Variants in USP12 observed in about 807,000 individuals in gnomAD.
USP12 encodes ubiquitin carboxyl-terminal hydrolase 12.
A neutral mutation model predicts 45.5 loss-of-function variants in USP12; 19 were observed. That is an observed-to-expected ratio of 0.42 (90% CI 0.29 to 0.61). The LOEUF (loss-of-function observed/expected upper bound fraction) is 0.61, where lower values mean the gene tolerates loss of function less well. USP12 is among the 20% of genes least tolerant of loss of function. The probability of loss-of-function intolerance (pLI) is 0.22; values close to 1 mark genes in which losing one functional copy is unlikely to be tolerated. For synonymous variants in USP12, 149 were observed against 148.8 expected (o/e 1.00, Z -0.01); for missense variants, 242 against 447.7 (o/e 0.54, Z 4.15).
intron 1 of USP12, among the ~76,000 whole-genome samples, chr13:27,125,808 C>T (rs1050058440): frequency 1.3e-5 from 2 of 152,262 alleles, no homozygotes; most frequent in African/African-American, 2.4e-5. Context: ...GACTCCCTCC[C>T]GTGCCTGGCT....
intron 1 of USP12, among the ~76,000 whole-genome samples, chr13:27,139,928 T>TA (rs1876982074): frequency 6.6e-6 from 1 of 152,230 alleles, no homozygotes. Context: ...CAAGTGATAG[T>TA]AAAAAAGATG....
intron 1 of USP12, among the ~76,000 whole-genome samples, chr13:27,132,124 C>T (rs1053701788): frequency 6.6e-6 from 1 of 152,192 alleles, no homozygotes; most frequent in African/African-American, 2.4e-5. Flanking sequence ...TTCCTGCTAT[C>T]CCTCATTTCC....
intron 4 of USP12, 122 bp from the exon 5 acceptor site, chr13:27,090,280 C>CA (rs1874251427): frequency 2.8e-6 from 2 of 711,648 alleles, no homozygotes; most frequent in Non-Finnish European, 4.5e-6. Flanking sequence ...CCCTCAAGTT[C>CA]AAAAGAGAAC....
rs181136795 is a variant in USP12 at position 27,097,294 on chromosome 13, C to T, written c.344-1464G>A. Among the ~76,000 whole-genome samples, 602 of 152,160 alleles carry T rather than the reference C, an allele frequency of 4.0e-3. 1 individual carries two copies. The highest frequency in any genetic ancestry group is 6.4e-3 in the Non-Finnish European group (432 of 68,014). ...CAGCCTGGCCAACATGGTGAAAGTC[C>T]GTCTCTACTAAATACAAAAAATTCA... On this transcript the variant is annotated intron_variant, in intron 3 of 8. Coordinates refer to ENST00000282344, the MANE Select transcript of USP12 (RefSeq NM_182488.4).
At chr13:27,156,091 C>T (rs952382355) in intron 1 of USP12, among the ~76,000 whole-genome samples, 26 of 152,196 alleles carry the variant, frequency 1.7e-4, no homozygotes, top group Admixed American at 3.9e-4. Flanking sequence ...GCCAGCAGCT[C>T]CGTAACAGAA....
At chr13:27,087,166 C>G (rs1237212515) in intron 6 of USP12, among the ~76,000 whole-genome samples, 2 of 150,480 alleles carry the variant, frequency 1.3e-5, no homozygotes, top group Admixed American at 6.6e-5. Flanking sequence ...TGTGTGCATA[C>G]AGGGAGCGGG....
At chr13:27,085,369 C>G (rs1016277123) in intron 6 of USP12, among the ~76,000 whole-genome samples, 1 of 151,926 alleles carries the variant, frequency 6.6e-6, no homozygotes, top group African/African-American at 2.4e-5. Flanking sequence ...TCAGTAGAGA[C>G]GGGGTTTTAG....
At chr13:27,088,381 C>T (rs182477802) in intron 6 of USP12, among the ~76,000 whole-genome samples, 48 of 138,802 alleles carry the variant, frequency 3.5e-4, no homozygotes, top group African/African-American at 1.2e-3. Flanking sequence ...CGCACCACTG[C>T]ACTCCAGCCT....
intron 1 of USP12, among the ~76,000 whole-genome samples, chr13:27,145,958 AAACT>A (rs1275620911): frequency 6.6e-6 from 1 of 152,218 alleles, no homozygotes; most frequent in East Asian, 1.9e-4. Flanking sequence ...TGCCATAAAC[AAACT>A]GAGGGCACAC....
chr13:27,135,981 T>C (rs978614606), intron 1 of USP12, among the ~76,000 whole-genome samples: 2 of 152,172 alleles, frequency 1.3e-5, no homozygotes, highest in African/African-American at 4.8e-5. Context: ...TGCTGTAGGA[T>C]TCTCAAATGA....
At chr13:27,151,562 C>T (rs9507846) in intron 1 of USP12, among the ~76,000 whole-genome samples, 73,042 of 151,756 alleles carry the variant, frequency 0.48, 18,926 homozygotes, top group East Asian at 0.77. Flanking sequence ...CAAGAGGATC[C>T]CGAGGGCCAG....
intron 6 of USP12, among the ~76,000 whole-genome samples, chr13:27,088,416 C>CAAAA (rs11323861): frequency 7.5e-5 from 7 of 93,586 alleles, no homozygotes; most frequent in African/African-American, 1.8e-4. Flanking sequence ...GACTCCGTCT[C>CAAAA]AAAAAAAAAA....
chr13:27,134,812 A>C (rs902287457), intron 1 of USP12, among the ~76,000 whole-genome samples: 14 of 149,786 alleles, frequency 9.3e-5, no homozygotes, highest in African/African-American at 3.4e-4. Context: ...ATTAGCTAAC[A>C]AAAAAAATTG....
chr13:27,170,957 T>A (rs939267713), intron 1 of USP12, among the ~76,000 whole-genome samples: 2 of 152,150 alleles, frequency 1.3e-5, no homozygotes, highest in Non-Finnish European at 2.9e-5. Flanking sequence ...ACACGCCCCT[T>A]TCCCCCAGCG....
intron 4 of USP12, among the ~76,000 whole-genome samples, chr13:27,094,020 T>C (rs1874443169): frequency 6.6e-6 from 1 of 152,142 alleles, no homozygotes; most frequent in African/African-American, 2.4e-5. Flanking sequence ...TTCTTGCTTG[T>C]GGACCCTATT....
At chr13:27,143,117 G>T (rs1295273047) in intron 1 of USP12, among the ~76,000 whole-genome samples, 2 of 147,514 alleles carry the variant, frequency 1.4e-5, no homozygotes, top group African/African-American at 5.0e-5. Context: ...AAAAAAGAGT[G>T]AAAGAACAAT....
chr13:27,158,618 T>A (rs1877951378), intron 1 of USP12, among the ~76,000 whole-genome samples: 1 of 152,210 alleles, frequency 6.6e-6, no homozygotes, highest in Non-Finnish European at 1.5e-5. Flanking sequence ...TGTAGGTAAC[T>A]GTAACACAAT....
At chr13:27,135,351 A>G (rs950743884) in intron 1 of USP12, among the ~76,000 whole-genome samples, 2 of 152,314 alleles carry the variant, frequency 1.3e-5, no homozygotes, top group Admixed American at 1.3e-4. Flanking sequence ...AACATTTATA[A>G]ATTTTTTAAG....
chr13:27,068,818 A>C lies in USP12; in HGVS notation c.*465T>G, dbSNP rs1276807414. On this transcript the variant is annotated 3_prime_UTR_variant, in exon 9 of 9. Coordinates refer to ENST00000282344, the MANE Select transcript of USP12 (RefSeq NM_182488.4). ...GGCAACTGCAAGTGTTGGGCCCAAA[A>C]GTATTTCTGGTTTACTCTTGAAAAG... 6.3e-6 allele frequency: 1 copy of C among 158,128 alleles called. No individual in the cohort carries two copies. The highest frequency in any genetic ancestry group is 2.4e-5 in the African/African-American group (1 of 41,492). The allele number at this position is 158,128 out of a possible 1,614,324, so 9.8% of individuals were successfully genotyped here. A position where few individuals can be genotyped will look rare whatever the true frequency, so the allele number is the denominator to read the frequency against.
Sources: allele counts gnomAD v4.1 joint callset (sites outside exome capture counted in the v4.1 genomes callset), GRCh38; gene constraint gnomAD v4.1.1; transcripts MANE v1.5; gene names NCBI Gene and HGNC (gene_info 2026-07-23, HGNC 2026-07-21).